ATXN2: variants seen among roughly 807,000 people sequenced by gnomAD.
ATXN2 encodes ataxin-2.
In ATXN2, 37 loss-of-function variants were observed where a neutral mutation model predicts 138.6. The observed-to-expected ratio is 0.27, with a 90% CI of 0.21 to 0.35. ATXN2 has a LOEUF of 0.35. ATXN2 is among the 10% of genes least tolerant of loss of function. The pLI is 1.00. For synonymous variants in ATXN2, 549 were observed against 543.7 expected (o/e 1.01, Z -0.13); for missense variants, 1,216 against 1,480.3 (o/e 0.82, Z 2.93).
At chr12:111,484,285 CTTT>C (rs771539297) in intron 18 of ATXN2, among the ~76,000 whole-genome samples, 5 of 142,170 alleles carry the variant, frequency 3.5e-5, no homozygotes, top group Middle Eastern at 3.7e-3. Context: ...TTGGAATTAA[CTTT>C]TTTTTTTTTT....
rs1880645364 is a variant in ATXN2 at position 111,528,758 on chromosome 12, T to G, written c.572-3442A>C. Among the ~76,000 whole-genome samples the G allele has an allele frequency of 3.3e-5, 5 of 152,052 alleles. No individual in the cohort carries two copies. In the East Asian group the frequency reaches 5.8e-4, roughly 18 times the overall value. ...GGGGAAGATGTGCAGAAGTGGAGAG[T>G]TAGCACGAAATGAGGCTATATCATC... On this transcript the variant is annotated intron_variant, in intron 5 of 24. Coordinates refer to ENST00000673436, the MANE Select transcript of ATXN2 (RefSeq NM_001372574.1).
intron 18 of ATXN2, among the ~76,000 whole-genome samples, chr12:111,475,656 A>G (rs1876762657): frequency 6.6e-6 from 1 of 151,864 alleles, no homozygotes; most frequent in African/African-American, 2.4e-5. Context: ...GGGCCCAGCC[A>G]AGATATATTT....
intron 6 of ATXN2, among the ~76,000 whole-genome samples, chr12:111,524,868 G>C (rs1231150557): frequency 6.6e-6 from 1 of 152,082 alleles, no homozygotes; most frequent in Non-Finnish European, 1.5e-5. Context: ...ATTTGGCTGG[G>C]TGTTAAAGCA....
chr12:111,542,974 C>T (rs1333636810), intron 5 of ATXN2, among the ~76,000 whole-genome samples: 2 of 152,084 alleles, frequency 1.3e-5, no homozygotes, highest in African/African-American at 2.4e-5. Flanking sequence ...AATTATAAAA[C>T]ATGTAACTTT....
chr12:111,487,098 TCA>T (rs1221108914), intron 15 of ATXN2, among the ~76,000 whole-genome samples: 2 of 152,184 alleles, frequency 1.3e-5, no homozygotes, highest in Non-Finnish European at 2.9e-5. Context: ...TTTTTTTCCT[TCA>T]CAGAGTCCCA....
chr12:111,452,809 G>A lies in ATXN2; in HGVS notation c.*3C>T. 2 of 1,613,988 alleles carry A rather than the reference G, an allele frequency of 1.2e-6. No homozygotes were observed. The highest frequency in any genetic ancestry group is 1.7e-6 in the Non-Finnish European group (2 of 1,179,910). On this transcript the variant is annotated 3_prime_UTR_variant, in exon 25 of 25. Coordinates refer to ENST00000673436, the MANE Select transcript of ATXN2 (RefSeq NM_001372574.1). The stretch of plus-strand genomic sequence containing the variant: ...TTGGCCTTTCGGTTCCTCCAGGGCA[G>A]CCTTACAACTGCTGTTGGTGGTGGG...
rs1304398533 is a variant in ATXN2, at chr12:111,559,599, C to T, written c.252-3680G>A. Among the ~76,000 whole-genome samples the T allele has an allele frequency of 2.7e-5, 4 of 150,742 alleles. No homozygotes were observed. In the East Asian group the frequency reaches 7.9e-4, roughly 30 times the overall value. ...CCAGCCTGACCAATATGGTGAAACCCCGTTTCTACTAAAAATAGAAAAATT... is the reference window on the plus strand; with the variant it reads ...CCAGCCTGACCAATATGGTGAAACCTCGTTTCTACTAAAAATAGAAAAATT... On this transcript the variant is annotated intron_variant, in intron 1 of 24. Coordinates refer to ENST00000673436, the MANE Select transcript of ATXN2 (RefSeq NM_001372574.1).
intron 6 of ATXN2, among the ~76,000 whole-genome samples, chr12:111,522,005 A>G (rs962873292): frequency 3.3e-5 from 5 of 152,160 alleles, no homozygotes; most frequent in Admixed American, 3.3e-4. Context: ...GTTGTAATCC[A>G]TCCCAGAAGA....
At chr12:111,539,775 G>T (rs540064081) in intron 5 of ATXN2, among the ~76,000 whole-genome samples, 1 of 149,356 alleles carries the variant, frequency 6.7e-6, no homozygotes, top group African/African-American at 2.4e-5. Flanking sequence ...AATAAAAAAA[G>T]AAAAAAGAAG....
At chr12:111,499,898 AAACTAC>A (rs1878648531) in intron 14 of ATXN2, among the ~76,000 whole-genome samples, 1 of 152,250 alleles carries the variant, frequency 6.6e-6, no homozygotes, top group Non-Finnish European at 1.5e-5. Flanking sequence ...ATGGAAATTA[AAACTAC>A]AACAAGATAT....
chr12:111,483,751 C>A (rs1362558928), intron 18 of ATXN2, among the ~76,000 whole-genome samples: 1 of 152,036 alleles, frequency 6.6e-6, no homozygotes, highest in South Asian at 2.1e-4. Flanking sequence ...CTACATTATA[C>A]GACAACTCCC....
At chr12:111,578,116 G>A (rs1252195492) in intron 1 of ATXN2, among the ~76,000 whole-genome samples, 2 of 152,150 alleles carry the variant, frequency 1.3e-5, no homozygotes, top group Admixed American at 6.6e-5. Flanking sequence ...AGAATCGCTT[G>A]AACCCAGAAG....
intron 18 of ATXN2, among the ~76,000 whole-genome samples, chr12:111,475,367 C>T (rs1315525457): frequency 7.0e-6 from 1 of 142,404 alleles, no homozygotes; most frequent in Non-Finnish European, 1.5e-5. Flanking sequence ...AAAAAGTTAC[C>T]ACAATATGAA....
intron 5 of ATXN2, among the ~76,000 whole-genome samples, chr12:111,530,569 T>G (rs934316193): frequency 6.6e-6 from 1 of 152,074 alleles, no homozygotes; most frequent in African/African-American, 2.4e-5. Context: ...AATCTCAGCA[T>G]TTTGGGAGGC....
chr12:111,525,263 T>G lies in ATXN2; in HGVS notation c.625A>C (p.Lys209Gln). Residue 209 changes from lysine to glutamine, a missense_variant, in exon 6 of 25, where the codon AAG becomes CAG. Around this residue, in one of 4 missense-constraint regions of ATXN2, gnomAD observed 401 missense variants for 528.1 expected, o/e 0.76. Transcript: ENST00000673436. ...SAKVNGEHKE[K>Q]DLEPWDAGEL... ...CCTGCATCCCAGGGCTCCAGGTCCT[T>G]CTCTTTGTGTTCGCCATTCACTTTA... The G allele has an allele frequency of 6.2e-7, 1 of 1,613,634 alleles. No individual in the cohort carries two copies. Among genetic ancestry groups the G allele is most frequent in the Non-Finnish European group, 8.5e-7 (1 of 1,179,916 alleles).
At chr12:111,501,118 G>A (rs759309157) in intron 14 of ATXN2, among the ~76,000 whole-genome samples, 2 of 151,938 alleles carry the variant, frequency 1.3e-5, no homozygotes, top group Non-Finnish European at 2.9e-5. Context: ...ATATCTCACA[G>A]ACCCTATGAA....
chr12:111,551,085 TCAAA>T (rs1882090556), intron 5 of ATXN2, among the ~76,000 whole-genome samples: 2 of 151,654 alleles, frequency 1.3e-5, no homozygotes, highest in Admixed American at 1.3e-4. Context: ...GATCACGAGG[TCAAA>T]CAATCGAGAC....
intron 1 of ATXN2, among the ~76,000 whole-genome samples, chr12:111,584,031 G>A (rs563821829): frequency 7.1e-4 from 107 of 151,602 alleles, no homozygotes; most frequent in African/African-American, 2.1e-3. Flanking sequence ...CTTTTACTGC[G>A]TTTCTCTGGC....
chr12:111,494,970 C>T (rs1878316671), intron 14 of ATXN2, among the ~76,000 whole-genome samples: 1 of 151,928 alleles, frequency 6.6e-6, no homozygotes, highest in Non-Finnish European at 1.5e-5. Flanking sequence ...GAATGTAAAT[C>T]GACTAAACTC....
Sources: allele counts gnomAD v4.1 joint callset (sites outside exome capture counted in the v4.1 genomes callset), GRCh38; gene constraint gnomAD v4.1.1; regional missense constraint gnomAD v4.1.1; transcripts MANE v1.5; gene names NCBI Gene and HGNC (gene_info 2026-07-23, HGNC 2026-07-21).